GNRH2: variants seen among roughly 807,000 people sequenced by gnomAD.
The protein encoded by GNRH2 is gonadotropin releasing hormone 2.
In GNRH2, 15 loss-of-function variants were observed where a neutral mutation model predicts 12.1. The ratio of observed to expected loss-of-function variants is 1.24; its 90% CI spans 0.83 to 1.90. The LOEUF is 1.90. GNRH2 is among the 40% of genes most tolerant of loss of function. GNRH2 has a pLI of 0.00. For missense variants in GNRH2, 143 were observed against 141.4 expected (o/e 1.01, Z -0.06); for synonymous variants, 60 against 62.0 (o/e 0.97, Z 0.15).
rs753992609 is a variant in GNRH2, at chr20:3,044,490, T to G, written c.76T>G (p.Trp26Gly). The G allele has an allele frequency of 6.2e-7, 1 of 1,613,758 alleles. No individual in the cohort carries two copies. Among genetic ancestry groups the G allele is most frequent in the Non-Finnish European group, 8.5e-7 (1 of 1,179,870 alleles). The change falls in exon 2 of 4, where the codon TGG becomes GGG. Residue 26 changes from tryptophan (W) to glycine (G), a missense_variant. Trp to Gly is a radical substitution (Grantham distance 184, BLOSUM62 -2). Transcript: ENST00000359100. ...CCTTGGACCCTCAGAGGCTCAGCAC[T>G]GGTCCCATGGCTGGTACCCTGGAGG... is the stretch of plus-strand genomic sequence containing the variant. ...AHLGPSEAQH[W>G]SHGWYPGGKR...
rs776526260 is a variant in GNRH2 at position 3,044,692 on chromosome 20, C to G, written c.155-8C>G. 6.2e-7 allele frequency: 1 copy of G among 1,609,030 alleles called. No homozygotes were observed. The highest frequency in any genetic ancestry group is 8.5e-7 in the Non-Finnish European group (1 of 1,176,904). ...TTCCCTTCTAAGGAAGGGCCCTGGA[C>G]ACTGCAGCAGGCAGCCCAGTCCAGA... On this transcript the variant is annotated splice_polypyrimidine_tract_variant and splice_region_variant and intron_variant, in intron 2 of 3. Transcript: ENST00000359100.
In GNRH2 at chr20:3,044,764, C is replaced by A; in HGVS notation, c.219C>A (p.Ser73Arg). 1 of 1,612,098 alleles carries A rather than the reference C, an allele frequency of 6.2e-7. No individual in the cohort carries two copies. Residue 73 changes from serine to arginine, a missense_variant, in exon 3 of 4, where the codon AGC becomes AGA. Physicochemically the swap from Ser to Arg is moderately radical, Grantham distance 110. Coordinates refer to ENST00000359100, the MANE Select transcript of GNRH2 (RefSeq NM_178331.2). ...PSDALAPLDD[S>R]MPWEGRTTAQ... ...ATGCCCTGGCTCCCCTGGACGACAG[C>A]ATGCCCTGGGAGGGCAGGACCACGG...
rs776776863 is a variant in GNRH2, at chr20:3,044,569, G to A, written c.154+1G>A. 3 of 1,613,634 alleles carry A rather than the reference G, an allele frequency of 1.9e-6. No individual in the cohort carries two copies. Among genetic ancestry groups the A allele is most frequent in the African/African-American group, 2.7e-5 (2 of 75,054 alleles). On this transcript the variant is annotated splice_donor_variant, in intron 2 of 3. Coordinates refer to ENST00000359100, the MANE Select transcript of GNRH2 (RefSeq NM_178331.2). LOFTEE classifies it high-confidence loss of function. ...CCCCAGAATGCCCTTAGGCCCCCAG[G>A]TGGGTGTCTCCCAGCCTCATGGGGA... is the stretch of plus-strand genomic sequence containing the variant.
intron 3 of GNRH2, 21 bp downstream of exon 3, chr20:3,044,857 C>T (rs1241722785): frequency 1.9e-6 from 3 of 1,585,424 alleles, no homozygotes; most frequent in Non-Finnish European, 2.6e-6. Flanking sequence ...TGAGAGGTCC[C>T]CAGCATCAAG....
Position 3,045,702 on chromosome 20 carries a change from C to CCCGCA in GNRH2, c.312_313insACCGC (p.Pro105ThrfsTer?). 6.3e-7 allele frequency: 1 copy of CCCGCA among 1,586,276 alleles called. No homozygotes were observed. The highest frequency in any genetic ancestry group is 8.6e-7 in the Non-Finnish European group (1 of 1,158,312). The stretch of plus-strand genomic sequence containing the variant: ...CCTCCGCAGACCGCAGCCCGAGAGC[C>CCCGCA]CCGCCCCGCCCCGCCATCCTCCAAT... On this transcript the variant is annotated frameshift_variant, in exon 4 of 4. Coordinates refer to ENST00000359100, the MANE Select transcript of GNRH2 (RefSeq NM_178331.2). LOFTEE classifies it low-confidence loss of function (END_TRUNC).
chr20:3,045,722 T>G lies in GNRH2; in HGVS notation c.328T>G (p.Ser110Ala), dbSNP rs1473972052. ...AGAGCCCCGCCCCGCCCCGCCATCC[T>G]CCAATAAAGTGTGAGGTTCTCCGAA... The part of the protein sequence containing the change: ...AREPRPAPPS[S>A]NKV The change falls in exon 4 of 4, where the codon TCC becomes GCC. Residue 110 changes from serine to alanine, a missense_variant. Transcript: ENST00000359100. 5.8e-6 allele frequency: 9 copies of G among 1,553,692 alleles called. No individual in the cohort carries two copies. Among genetic ancestry groups the G allele is most frequent in the African/African-American group, 1.4e-5 (1 of 73,586 alleles).
rs16988234 is a variant in GNRH2, at chr20:3,045,608, G to T, written c.292-78G>T. The T allele has an allele frequency of 4.6e-3, 5,788 of 1,246,834 alleles. 78 individuals are homozygous for T. The highest frequency in any genetic ancestry group is 0.028 in the African/African-American group (1,945 of 68,616). 77.2% of individuals were successfully genotyped at this position (1,246,834 alleles called of 1,614,324 possible). On this transcript the variant is annotated intron_variant, in intron 3 of 3. Transcript: ENST00000359100. ...ATGGGGACTGGGGGGGACGAGAGGG[G>T]AGAGAACCAGGAAGATGGCAGCTCG...
chr20:3,044,646 G>A (rs768557758), intron 2 of GNRH2, 54 bp from the exon 3 acceptor site: 2 of 1,606,782 alleles, frequency 1.2e-6, no homozygotes, highest in East Asian at 2.2e-5. Context: ...CCTGAGGTCG[G>A]GGTAGGGAGG....
chr20:3,045,664 ACCG>A lies in GNRH2; in HGVS notation c.292-19_292-17del. 6.2e-7 allele frequency: 1 copy of A among 1,603,830 alleles called. No homozygotes were observed. The highest frequency in any genetic ancestry group is 8.5e-7 in the Non-Finnish European group (1 of 1,172,024). The stretch of plus-strand genomic sequence containing the variant: ...TACGAGACCAGTGTCCTGAGACATG[ACCG>A]CCACCTCTCCCTCCGCAGACCGCAG... On this transcript the variant is annotated intron_variant, in intron 3 of 3. Transcript: ENST00000359100.
chr20:3,045,555 C>T, intron 3 of GNRH2, 131 bp from the exon 4 acceptor site: 1 of 713,872 alleles, frequency 1.4e-6, no homozygotes, highest in Non-Finnish European at 2.4e-6. Flanking sequence ...CTACGGGAGG[C>T]GGGGGGCGTC....
At position 3,044,572 on chromosome 20, in the gene GNRH2, G is replaced by T. The variant is rs779469294; in HGVS notation, c.154+4G>T. On this transcript the variant is annotated splice_donor_region_variant and intron_variant, in intron 2 of 3. Transcript: ENST00000359100. ...CAGAATGCCCTTAGGCCCCCAGGTG[G>T]GTGTCTCCCAGCCTCATGGGGAGGA... 1 of 1,613,590 alleles carries T rather than the reference G, an allele frequency of 6.2e-7. No homozygotes were observed. The highest frequency in any genetic ancestry group is 8.5e-7 in the Non-Finnish European group (1 of 1,179,870).
At chr20:3,044,908 G>C (rs2065973387) in intron 3 of GNRH2, 72 bp downstream of exon 3, 2 of 1,325,624 alleles carry the variant, frequency 1.5e-6, no homozygotes. Context: ...GCTTAGGGTT[G>C]GGTGCTGGGA....
chr20:3,044,593 G>T (rs375164294), intron 2 of GNRH2, 25 bp downstream of exon 2: 1 of 1,611,964 alleles, frequency 6.2e-7, no homozygotes, highest in Non-Finnish European at 8.5e-7. Flanking sequence ...GCCTCATGGG[G>T]AGGAAGAAAG....
rs554545164 is a variant in GNRH2 at position 3,044,418 on chromosome 20, G to A, written c.4G>A (p.Ala2Thr). 1 of 1,613,262 alleles carries A rather than the reference G, an allele frequency of 6.2e-7. No homozygotes were observed. The highest frequency in any genetic ancestry group is 8.5e-7 in the Non-Finnish European group (1 of 1,179,520). The change falls in exon 2 of 4, where the codon GCC becomes ACC. Residue 2 changes from alanine (A) to threonine (T), a missense_variant. Transcript: ENST00000359100. ...TACCCTGTCCATTAGAGCAGCCATGGCCAGCTCCAGGCGAGGCCTCCTGCT... is the reference window on the plus strand; with the variant it reads ...TACCCTGTCCATTAGAGCAGCCATGACCAGCTCCAGGCGAGGCCTCCTGCT... M[A>T]SSRRGLLLLL... is the part of the protein sequence containing the mutation.
At chr20:3,044,309 G>A in intron 1 of GNRH2, 99 bp from the exon 2 acceptor site, 1 of 903,392 alleles carries the variant, frequency 1.1e-6, no homozygotes, top group Non-Finnish European at 1.8e-6. Flanking sequence ...AGATACCAAA[G>A]CTGCCCCTGA....
In GNRH2 at chr20:3,044,467, T is replaced by C. The variant is rs142022310; in HGVS notation, c.53T>C (p.Leu18Pro). The C allele has an allele frequency of 7.4e-6, 12 of 1,613,340 alleles. No homozygotes were observed. In the African/African-American group the frequency reaches 1.3e-4, roughly 18 times the overall value. The change falls in exon 2 of 4, where the codon CTT (leucine) becomes CCT (proline). Residue 18 changes from leucine to proline, a missense_variant. Coordinates refer to ENST00000359100, the MANE Select transcript of GNRH2 (RefSeq NM_178331.2). ...CTCCTGCTGCTGCTGACTGCCCACCTTGGACCCTCAGAGGCTCAGCACTGG... is the reference window on the plus strand; with the variant it reads ...CTCCTGCTGCTGCTGACTGCCCACCCTGGACCCTCAGAGGCTCAGCACTGG... ...LLLLLLLTAHLGPSEAQHWSH... is the reference protein window; with the variant it reads ...LLLLLLLTAHPGPSEAQHWSH...
chr20:3,044,206 G>A (rs921985204), intron 1 of GNRH2: 2 of 561,156 alleles, frequency 3.6e-6, no homozygotes, highest in East Asian at 2.8e-5. Flanking sequence ...TCGTCCCCTG[G>A]AGCATCATCC....
At chr20:3,045,422 ATGTCTT>A (rs2065978440) in intron 3 of GNRH2, among the ~76,000 whole-genome samples, 1 of 152,190 alleles carries the variant, frequency 6.6e-6, no homozygotes, top group Non-Finnish European at 1.5e-5. Context: ...CTATGAGGCA[ATGTCTT>A]ACCGCCTGAT....
chr20:3,044,920 G>T, intron 3 of GNRH2, 84 bp downstream of exon 3: 1 of 1,164,360 alleles, frequency 8.6e-7, no homozygotes. Flanking sequence ...GTGCTGGGAG[G>T]GTGGGGAGAA....
Sources: gnomAD v4.1 joint callset for allele counts (sites outside exome capture counted in the v4.1 genomes callset) on GRCh38, gnomAD v4.1.1 for gene constraint, MANE v1.5 for transcripts, NCBI Gene and HGNC (gene_info 2026-07-23, HGNC 2026-07-21) for gene names.